The following CSMD1 variants were observed in gnomAD, a reference collection of about 807,000 sequenced individuals.
CSMD1 encodes CUB and sushi domain-containing protein 1.
CSMD1 carries 213 observed loss-of-function variants against 417.5 expected under a neutral mutation model. The observed-to-expected ratio is 0.51, with a 90% CI of 0.46 to 0.57. CSMD1 has a LOEUF of 0.57. Ranked by LOEUF, CSMD1 falls within the 20% of genes least tolerant of loss-of-function variation. The pLI is 0.00. For synonymous variants in CSMD1, 2,862 were observed against 1,736.8 expected (o/e 1.65, Z -16.11); for missense variants, 6,923 against 4,529.7 (o/e 1.53, Z -15.17).
At chr8:4,226,493 G>C (rs1456561140) in intron 3 of CSMD1, among the ~76,000 whole-genome samples, 3 of 152,110 alleles carry the variant, frequency 2.0e-5, no homozygotes, top group Non-Finnish European at 2.9e-5. Flanking sequence ...ACAGGACTTT[G>C]CAGTAACAGA....
At chr8:3,355,601 C>T (rs541772772) in intron 21 of CSMD1, among the ~76,000 whole-genome samples, 107 of 152,154 alleles carry the variant, frequency 7.0e-4, no homozygotes, top group African/African-American at 2.4e-3. Flanking sequence ...CAGAACTGCA[C>T]GATGTGGGGC....
chr8:3,578,896 C>G (rs1371037807), intron 9 of CSMD1, among the ~76,000 whole-genome samples: 3 of 152,212 alleles, frequency 2.0e-5, no homozygotes, highest in African/African-American at 7.2e-5. Context: ...GTTTTTAAAA[C>G]AAGATCTCTC....
At chr8:3,800,029 A>T (rs1427202155) in intron 5 of CSMD1, among the ~76,000 whole-genome samples, 1 of 152,168 alleles carries the variant, frequency 6.6e-6, no homozygotes, top group Non-Finnish European at 1.5e-5. Flanking sequence ...TTGACTTTTG[A>T]ACCTCAATTC....
rs527950824 is a variant in CSMD1, at chr8:3,998,119, G to C, written c.611-9C>G. The C allele has an allele frequency of 2.6e-6, 4 of 1,551,262 alleles. No individual in the cohort carries two copies. Among genetic ancestry groups the C allele is most frequent in the Non-Finnish European group, 3.5e-6 (4 of 1,145,264 alleles). On this transcript the variant is annotated splice_polypyrimidine_tract_variant and intron_variant, in intron 4 of 69. Transcript: ENST00000635120. ...TCCGCAGGCTCCCTCAGCTGCAGGG[G>C]CAAAAGCAGAAAGAAAGCATCACAT...
chr8:3,780,968 C>T (rs747372260), intron 5 of CSMD1, among the ~76,000 whole-genome samples: 3 of 152,172 alleles, frequency 2.0e-5, no homozygotes, highest in African/African-American at 4.8e-5. Context: ...TATCTGTCTT[C>T]ATGATCTGAA....
At chr8:3,002,914 C>G (rs187352339) in intron 52 of CSMD1, among the ~76,000 whole-genome samples, 258 of 152,324 alleles carry the variant, frequency 1.7e-3, no homozygotes, top group African/African-American at 5.8e-3. Context: ...CCTTCAAAAA[C>G]ATTTCATTTT....
At chr8:3,116,532 G>T (rs961326006) in intron 42 of CSMD1, among the ~76,000 whole-genome samples, 1 of 152,088 alleles carries the variant, frequency 6.6e-6, no homozygotes, top group Admixed American at 6.6e-5. Context: ...AGTCTGAAGG[G>T]GTTTAGGCTT....
chr8:3,081,836 C>T (rs1814124360), intron 49 of CSMD1, among the ~76,000 whole-genome samples: 1 of 152,108 alleles, frequency 6.6e-6, no homozygotes, highest in Admixed American at 6.6e-5. Context: ...ATTTAAAATC[C>T]ACTGCCTCAT....
chr8:4,496,532 G>A (rs771301825), intron 2 of CSMD1, among the ~76,000 whole-genome samples: 3 of 152,140 alleles, frequency 2.0e-5, no homozygotes, highest in Non-Finnish European at 4.4e-5. Flanking sequence ...TGTTAACACG[G>A]CTGAATGACC....
At chr8:3,989,181 G>A (rs1028010047) in intron 5 of CSMD1, among the ~76,000 whole-genome samples, 3 of 152,182 alleles carry the variant, frequency 2.0e-5, no homozygotes, top group African/African-American at 7.2e-5. Context: ...ATTTGCTCTA[G>A]TTAGCAGCTC....
rs1798615769 is a variant in CSMD1, at chr8:4,443,690, A to G, written c.303-23625T>C. Among the ~76,000 whole-genome samples, 3 of 152,176 alleles carry G rather than the reference A, an allele frequency of 2.0e-5. No homozygotes were observed. In the South Asian group the frequency reaches 6.2e-4, roughly 32 times the overall value. Reference sequence around the variant, plus strand: ...AGCATTTATACCATTCAATCCTGCAATTCCCAACAAAATTCTAGCAGCAGT... The same window carrying G: ...AGCATTTATACCATTCAATCCTGCAGTTCCCAACAAAATTCTAGCAGCAGT... On this transcript the variant is annotated intron_variant, in intron 2 of 69. Coordinates refer to ENST00000635120, the MANE Select transcript of CSMD1 (RefSeq NM_033225.6).
At position 3,922,837 on chromosome 8, in the gene CSMD1, C is replaced by A. The variant is rs1185512717; in HGVS notation, c.818+75066G>T. Among the ~76,000 whole-genome samples the A allele has an allele frequency of 3.3e-5, 5 of 152,032 alleles. No individual in the cohort carries two copies. In the East Asian group the frequency reaches 7.7e-4, roughly 24 times the overall value. ...TAAAATTCTATATATTCATGGTGTA[C>A]AACATGGCCTTCAGATATTGGGATA... is the stretch of plus-strand genomic sequence containing the variant. On this transcript the variant is annotated intron_variant, in intron 5 of 69. Coordinates refer to ENST00000635120, the MANE Select transcript of CSMD1 (RefSeq NM_033225.6).
At chr8:3,492,076 A>G (rs1818410513) in intron 11 of CSMD1, among the ~76,000 whole-genome samples, 1 of 152,212 alleles carries the variant, frequency 6.6e-6, no homozygotes, top group African/African-American at 2.4e-5. Flanking sequence ...TGAGTCATTC[A>G]ACAAGGTGTA....
At chr8:3,687,827 C>G (rs986252815) in intron 7 of CSMD1, among the ~76,000 whole-genome samples, 1 of 152,198 alleles carries the variant, frequency 6.6e-6, no homozygotes, top group African/African-American at 2.4e-5. Flanking sequence ...AAAGGTAGCA[C>G]TGCTCTCTCA....
intron 25 of CSMD1, among the ~76,000 whole-genome samples, chr8:3,297,459 C>CAAA (rs1804051329): frequency 6.6e-6 from 1 of 151,682 alleles, no homozygotes; most frequent in Non-Finnish European, 1.5e-5. Flanking sequence ...AGGTTTTGTA[C>CAAA]TAGATAAGCA....
chr8:4,988,829 G>A (rs1472950470), intron 1 of CSMD1, among the ~76,000 whole-genome samples: 1 of 152,138 alleles, frequency 6.6e-6, no homozygotes, highest in Non-Finnish European at 1.5e-5. Flanking sequence ...CTGCTGGAGG[G>A]AAAAAACAAG....
intron 41 of CSMD1, chr8:3,128,855 G>T (rs1323309450): frequency 6.6e-6 from 3 of 454,678 alleles, no homozygotes; most frequent in South Asian, 4.7e-5. Flanking sequence ...GGCTTGGAAT[G>T]GGGTGTCAAG....
intron 21 of CSMD1, among the ~76,000 whole-genome samples, chr8:3,355,938 C>A (rs1370278566): frequency 3.9e-5 from 6 of 152,088 alleles, no homozygotes; most frequent in Non-Finnish European, 5.9e-5. Context: ...ATACATGATA[C>A]TATTTCTATC....
At chr8:3,708,560 C>G (rs928609804) in intron 6 of CSMD1, 69 bp from the exon 7 acceptor site, 19 of 1,306,500 alleles carry the variant, frequency 1.5e-5, no homozygotes, top group South Asian at 3.6e-5. Flanking sequence ...TGTATCCACA[C>G]AGCACTTCCA....
Sources: allele counts gnomAD v4.1 joint callset (sites outside exome capture counted in the v4.1 genomes callset), GRCh38; gene constraint gnomAD v4.1.1; transcripts MANE v1.5; gene names NCBI Gene and HGNC (gene_info 2026-07-23, HGNC 2026-07-21).